The following RBFOX1 variants were observed in gnomAD, a reference collection of about 807,000 sequenced individuals.
The protein encoded by RBFOX1 is RNA binding fox-1 homolog 1.
A neutral mutation model predicts 57.7 loss-of-function variants in RBFOX1; 8 were observed. The ratio of observed to expected loss-of-function variants is 0.14; its 90% CI spans 0.08 to 0.25. RBFOX1 has a LOEUF of 0.25. Ranked by LOEUF, RBFOX1 falls within the 10% of genes least tolerant of loss-of-function variation. RBFOX1 has a pLI of 1.00. For missense variants in RBFOX1, 611 were observed against 548.5 expected, an observed-to-expected ratio of 1.11 and a Z score of -1.14; for synonymous variants, 326 against 222.4, an observed-to-expected ratio of 1.47 and a Z score of -4.15.
At chr16:7,537,968 TTA>T (rs2081950941) in intron 5 of RBFOX1, among the ~76,000 whole-genome samples, 1 of 152,214 alleles carries the variant, frequency 6.6e-6, no homozygotes, top group South Asian at 2.1e-4. Context: ...CAGCAAACAT[TTA>T]TCAACACCTA....
At chr16:6,771,720 C>A (rs1227459987) in intron 3 of RBFOX1, among the ~76,000 whole-genome samples, 1 of 152,188 alleles carries the variant, frequency 6.6e-6, no homozygotes, top group East Asian at 1.9e-4. Flanking sequence ...CTACTGGCGT[C>A]TAGCGGGTGG....
At chr16:6,214,953 A>AAG in intron 1 of RBFOX1, among the ~76,000 whole-genome samples, 1 of 116,606 alleles carries the variant, frequency 8.6e-6, no homozygotes, top group Non-Finnish European at 1.8e-5. Flanking sequence ...AGAGAGGGAG[A>AAG]GAGGGAGAGG....
intron 3 of RBFOX1, among the ~76,000 whole-genome samples, chr16:6,712,339 C>T (rs2063859150): frequency 6.6e-6 from 1 of 152,084 alleles, no homozygotes; most frequent in Non-Finnish European, 1.5e-5. Flanking sequence ...GCATGTGTGC[C>T]CGAGACCACG....
chr16:6,460,769 T>C (rs993431327), intron 2 of RBFOX1, among the ~76,000 whole-genome samples: 4 of 149,748 alleles, frequency 2.7e-5, no homozygotes, highest in African/African-American at 9.9e-5. Context: ...GGAATATAAA[T>C]CATTCTATTA....
At chr16:5,547,602 A>T (rs1372456482) in intron 2 of RBFOX1, among the ~76,000 whole-genome samples, 4 of 152,172 alleles carry the variant, frequency 2.6e-5, no homozygotes, top group Non-Finnish European at 4.4e-5. Flanking sequence ...GTTGACAAGG[A>T]TGGGAAGTGG....
intron 3 of RBFOX1, among the ~76,000 whole-genome samples, chr16:6,684,932 C>T (rs990691166): frequency 2.6e-5 from 4 of 152,104 alleles, no homozygotes; most frequent in Non-Finnish European, 5.9e-5. Flanking sequence ...CATTTTCTGG[C>T]TTTACTTAGG....
intron 1 of RBFOX1, among the ~76,000 whole-genome samples, chr16:6,093,862 C>G (rs1477307723): frequency 1.3e-5 from 2 of 151,832 alleles, no homozygotes; most frequent in African/African-American, 2.4e-5. Flanking sequence ...TCAAGCAATT[C>G]TCCCTCCTCC....
intron 3 of RBFOX1, among the ~76,000 whole-genome samples, chr16:6,875,980 A>G (rs1028995264): frequency 4.6e-5 from 7 of 152,108 alleles, no homozygotes; most frequent in African/African-American, 1.7e-4. Flanking sequence ...CCTGGGCAAC[A>G]CAGTGGAACT....
intron 2 of RBFOX1, among the ~76,000 whole-genome samples, chr16:6,412,066 G>A (rs1401572051): frequency 6.6e-6 from 1 of 151,468 alleles, no homozygotes; most frequent in Non-Finnish European, 1.5e-5. Flanking sequence ...CCGGGAGGCA[G>A]AGGTTGCAGT....
chr16:5,725,584 A>G (rs928741008), intron 3 of RBFOX1, among the ~76,000 whole-genome samples: 3 of 151,378 alleles, frequency 2.0e-5, no homozygotes, highest in East Asian at 3.9e-4. Flanking sequence ...ATATGTTTCT[A>G]TCACCAAGGC....
chr16:5,698,382 A>C (rs910465618), intron 3 of RBFOX1, among the ~76,000 whole-genome samples: 7 of 152,154 alleles, frequency 4.6e-5, no homozygotes, highest in African/African-American at 1.7e-4. Flanking sequence ...AGACAAGGCA[A>C]CTTTGATCAT....
chr16:6,208,486 C>G (rs796675314), intron 1 of RBFOX1, among the ~76,000 whole-genome samples: 14 of 152,156 alleles, frequency 9.2e-5, no homozygotes, highest in African/African-American at 3.4e-4. Context: ...AGAGTCCCTG[C>G]CCCTTTGGAG....
chr16:5,486,116 A>G (rs2069723732), intron 2 of RBFOX1, among the ~76,000 whole-genome samples: 1 of 152,164 alleles, frequency 6.6e-6, no homozygotes. Context: ...TATTCCAGTC[A>G]TTCCTTAAAG....
intron 3 of RBFOX1, among the ~76,000 whole-genome samples, chr16:6,961,165 A>ACACACAC (rs1461621694): frequency 1.3e-5 from 2 of 150,580 alleles, no homozygotes; most frequent in South Asian, 2.1e-4. Flanking sequence ...ACACACACGC[A>ACACACAC]AAAGAAAGAA....
At chr16:7,437,563 T>C (rs916154726) in intron 4 of RBFOX1, among the ~76,000 whole-genome samples, 1 of 152,098 alleles carries the variant, frequency 6.6e-6, no homozygotes, top group Non-Finnish European at 1.5e-5. Context: ...CTCAGCAAAA[T>C]TTCATGTATT....
chr16:7,542,342 C>G (rs370317232), intron 5 of RBFOX1, among the ~76,000 whole-genome samples: 1 of 152,122 alleles, frequency 6.6e-6, no homozygotes, highest in Non-Finnish European at 1.5e-5. Flanking sequence ...AAAGCATACG[C>G]CAGACCCGTA....
rs749107631 is a variant in RBFOX1, at chr16:6,497,561, TAA to T, written c.-63-157027_-63-157026del. On this transcript the variant is annotated intron_variant, in intron 2 of 15. Coordinates refer to ENST00000550418, the MANE Select transcript of RBFOX1 (RefSeq NM_018723.4). The stretch of plus-strand genomic sequence containing the variant: ...CCTTTACACCGATTTTTGAAGTTTT[TAA>T]AAAAAAAAAAAAAACAGAGTTTTGC... Among the ~76,000 whole-genome samples, 881 of 149,814 alleles carry T rather than the reference TAA, an allele frequency of 5.9e-3. 7 individuals are homozygous for T. The highest frequency in any genetic ancestry group is 0.026 in the East Asian group (132 of 5,016).
chr16:7,512,947 A>G (rs1294436007), intron 4 of RBFOX1, among the ~76,000 whole-genome samples: 1 of 152,196 alleles, frequency 6.6e-6, no homozygotes, highest in African/African-American at 2.4e-5. Context: ...GGTGTGTGTG[A>G]TAGAGAGGGA....
chr16:6,648,435 G>A (rs771283668), intron 2 of RBFOX1, among the ~76,000 whole-genome samples: 8 of 152,026 alleles, frequency 5.3e-5, no homozygotes, highest in African/African-American at 9.7e-5. Context: ...CCTTATGTGC[G>A]GATGAGGGAA....
Sources: gnomAD v4.1 joint callset for allele counts (sites outside exome capture counted in the v4.1 genomes callset) on GRCh38, gnomAD v4.1.1 for gene constraint, MANE v1.5 for transcripts, NCBI Gene and HGNC (gene_info 2026-07-23, HGNC 2026-07-21) for gene names.